SEMA3C: variants seen among roughly 807,000 people sequenced by gnomAD.
SEMA3C encodes semaphorin-3C.
In SEMA3C, 47 loss-of-function variants were observed where a neutral mutation model predicts 89.4. The ratio of observed to expected loss-of-function variants is 0.53; its 90% CI spans 0.42 to 0.67. The LOEUF (loss-of-function observed/expected upper bound fraction) is 0.67. SEMA3C is among the 30% of genes least tolerant of loss of function. The probability of loss-of-function intolerance (pLI) is 0.00; values close to 1 mark genes in which losing one functional copy is unlikely to be tolerated. For missense variants in SEMA3C, 839 were observed against 929.1 expected (o/e 0.90, Z 1.26); for synonymous variants, 310 against 320.2 (o/e 0.97, Z 0.34).
chr7:80,883,774 C>G (rs1791408035), intron 2 of SEMA3C, among the ~76,000 whole-genome samples: 1 of 152,146 alleles, frequency 6.6e-6, no homozygotes, highest in Admixed American at 6.5e-5. Context: ...ATCTTTAAAT[C>G]ATGAGCAAAA....
intron 12 of SEMA3C, among the ~76,000 whole-genome samples, chr7:80,771,206 A>G (rs1242936735): frequency 6.6e-6 from 1 of 152,200 alleles, no homozygotes; most frequent in Non-Finnish European, 1.5e-5. Flanking sequence ...TTTTAGCTCC[A>G]TCGCTGAGTA....
chr7:80,795,564 A>G, intron 11 of SEMA3C, among the ~76,000 whole-genome samples: 1 of 152,208 alleles, frequency 6.6e-6, no homozygotes, highest in South Asian at 2.1e-4. Context: ...CTTGAGAGCT[A>G]AAAAACAGTG....
chr7:80,921,553 G>A (rs944981468), upstream of SEMA3C, among the ~76,000 whole-genome samples: 1 of 152,146 alleles, frequency 6.6e-6, no homozygotes, highest in Non-Finnish European at 1.5e-5. Context: ...CTTCAGCTTT[G>A]ACTGTCCTTA....
intron 5 of SEMA3C, among the ~76,000 whole-genome samples, chr7:80,812,945 C>A (rs1429343951): frequency 6.7e-6 from 1 of 149,858 alleles, no homozygotes; most frequent in Non-Finnish European, 1.5e-5. Context: ...CACCACCACG[C>A]CTGGCTATTT....
chr7:80,790,837 CTATAGAATG>C (rs1788920489), intron 11 of SEMA3C, among the ~76,000 whole-genome samples: 1 of 152,136 alleles, frequency 6.6e-6, no homozygotes, highest in South Asian at 2.1e-4. Context: ...CTGTTTCTCC[CTATAGAATG>C]TAAGCTTGTG....
chr7:80,813,766 A>G (rs1451140830), intron 5 of SEMA3C, among the ~76,000 whole-genome samples: 1 of 152,078 alleles, frequency 6.6e-6, no homozygotes, highest in African/African-American at 2.4e-5. Flanking sequence ...CCCATATACC[A>G]TTCTCCTTAT....
At chr7:80,881,735 T>C (rs1013198423) in intron 2 of SEMA3C, among the ~76,000 whole-genome samples, 2 of 152,208 alleles carry the variant, frequency 1.3e-5, no homozygotes, top group African/African-American at 2.4e-5. Context: ...TAGATTCATA[T>C]TGTTCCTTAT....
chr7:80,794,457 A>G (rs1263414369), intron 11 of SEMA3C, among the ~76,000 whole-genome samples: 1 of 152,130 alleles, frequency 6.6e-6, no homozygotes, highest in African/African-American at 2.4e-5. Flanking sequence ...GTTTTCAAAC[A>G]TCTAAGAGAA....
intron 4 of SEMA3C, among the ~76,000 whole-genome samples, chr7:80,825,458 T>C (rs1298306935): frequency 6.6e-6 from 1 of 152,142 alleles, no homozygotes; most frequent in Admixed American, 6.6e-5. Context: ...ATGACAAAAC[T>C]ATGGGAAAAT....
In SEMA3C at chr7:80,886,272, T is replaced by C. The variant is rs560065492; in HGVS notation, c.103+30407A>G. Among the ~76,000 whole-genome samples, 55 of 152,188 alleles carry C rather than the reference T, an allele frequency of 3.6e-4. 1 individual carries two copies. Among genetic ancestry groups the C allele is most frequent in the Admixed American group, 9.8e-4 (15 of 15,274 alleles). Reference sequence around the variant, plus strand: ...TGACATGGTATTGGTATAATAAATATATACCATATATGCAGTATGTATTCA... The same window carrying C: ...TGACATGGTATTGGTATAATAAATACATACCATATATGCAGTATGTATTCA... On this transcript the variant is annotated intron_variant, in intron 2 of 17. Transcript: ENST00000265361.
At chr7:80,901,131 A>C (rs1404179172) in intron 2 of SEMA3C, among the ~76,000 whole-genome samples, 2 of 152,202 alleles carry the variant, frequency 1.3e-5, no homozygotes, top group Non-Finnish European at 2.9e-5. Flanking sequence ...TCCAGAAATG[A>C]ATTGGGAACA....
chr7:80,871,716 G>A (rs1472305735), intron 2 of SEMA3C, among the ~76,000 whole-genome samples: 1 of 152,096 alleles, frequency 6.6e-6, no homozygotes, highest in African/African-American at 2.4e-5. Flanking sequence ...GTAAACAATA[G>A]GTGAGATCAT....
intron 2 of SEMA3C, among the ~76,000 whole-genome samples, chr7:80,906,332 T>C (rs1017159897): frequency 2.6e-5 from 4 of 152,202 alleles, no homozygotes; most frequent in Non-Finnish European, 4.4e-5. Context: ...AAACCGAAGA[T>C]GGTTATTGCA....
chr7:80,921,703 G>A (rs778842317), upstream of SEMA3C, among the ~76,000 whole-genome samples: 11 of 152,074 alleles, frequency 7.2e-5, no homozygotes, highest in Non-Finnish European at 1.3e-4. Flanking sequence ...TCAGACGAGC[G>A]GCCAAACTAA....
Position 80,874,597 on chromosome 7 carries a change from C to T in SEMA3C, c.103+42082G>A, listed in dbSNP as rs543297959. On this transcript the variant is annotated intron_variant, in intron 2 of 17. Coordinates refer to ENST00000265361, the MANE Select transcript of SEMA3C (RefSeq NM_006379.5). ...TTCTCCTGCCTCAGCCTCCCAAGTA[C>T]CTGGAATTACAGGTGTCCACCACCA... Among the ~76,000 whole-genome samples, 248 of 151,794 alleles carry T rather than the reference C, an allele frequency of 1.6e-3. 1 individual carries two copies. Among genetic ancestry groups the T allele is most frequent in the African/African-American group, 5.7e-3 (235 of 41,458 alleles).
At chr7:80,806,680 G>C (rs974126675) in intron 6 of SEMA3C, among the ~76,000 whole-genome samples, 2 of 151,944 alleles carry the variant, frequency 1.3e-5, no homozygotes, top group African/African-American at 4.8e-5. Flanking sequence ...GGTAACAAAC[G>C]TGACCCCTGA....
intron 4 of SEMA3C, among the ~76,000 whole-genome samples, chr7:80,826,942 C>T (rs61093800): frequency 0.085 from 12,998 of 152,080 alleles, 571 homozygotes; most frequent in African/African-American, 0.1. Flanking sequence ...TTATATCTGC[C>T]TCTATTGCTG....
intron 14 of SEMA3C, among the ~76,000 whole-genome samples, chr7:80,760,270 C>T (rs555602908): frequency 6.6e-6 from 1 of 152,272 alleles, no homozygotes; most frequent in African/African-American, 2.4e-5. Context: ...TAATACATAA[C>T]TAAATATAGT....
chr7:80,745,083 G>A lies in SEMA3C; in HGVS notation c.2067C>T (p.His689=). The A allele has an allele frequency of 6.2e-7, 1 of 1,614,042 alleles. No individual in the cohort carries two copies. Among genetic ancestry groups the A allele is most frequent in the Non-Finnish European group, 8.5e-7 (1 of 1,179,984 alleles). The change falls in exon 18 of 18, where the codon CAC becomes CAT. Residue 689 remains histidine, a synonymous_variant. Transcript: ENST00000265361. ...WASSVRALPF[H]PKDIMGAFSH... ...TGAATGCCCCCATGATGTCCTTCGGGTGGAAGGGTAAAGCCCTCACAGAGC... is the reference window on the plus strand; with the variant it reads ...TGAATGCCCCCATGATGTCCTTCGGATGGAAGGGTAAAGCCCTCACAGAGC...
Sources: gnomAD v4.1 joint callset for allele counts (sites outside exome capture counted in the v4.1 genomes callset) on GRCh38, gnomAD v4.1.1 for gene constraint, MANE v1.5 for transcripts, NCBI Gene and HGNC (gene_info 2026-07-23, HGNC 2026-07-21) for gene names.